The following NYAP2 variants were observed in gnomAD, a reference collection of about 807,000 sequenced individuals.
The protein encoded by NYAP2 is neuronal tyrosine-phosphorylated phosphoinositide-3-kinase adapter 2.
A neutral mutation model predicts 50.4 loss-of-function variants in NYAP2; 23 were observed. The ratio of observed to expected loss-of-function variants is 0.46; its 90% CI spans 0.33 to 0.65. The LOEUF (loss-of-function observed/expected upper bound fraction) is 0.65. NYAP2 is among the 30% of genes least tolerant of loss of function. The probability of loss-of-function intolerance (pLI) is 0.02; values close to 1 mark genes in which losing one functional copy is unlikely to be tolerated. For synonymous variants in NYAP2, 394 were observed against 365.2 expected (o/e 1.08, Z -0.90); for missense variants, 885 against 861.0 (o/e 1.03, Z -0.35).
chr2:225,498,865 A>G (rs971292017), intron 3 of NYAP2, among the ~76,000 whole-genome samples: 1 of 152,158 alleles, frequency 6.6e-6, no homozygotes, highest in Non-Finnish European at 1.5e-5. Context: ...GAAAAGGGAG[A>G]TGGCAATGAC....
the NYAP2 span, chr2:225,701,025 C>T: frequency 6.6e-6 from 1 of 151,752 alleles, no homozygotes; most frequent in Non-Finnish European, 1.5e-5. Context: ...TCATTTATTT[C>T]CGCAAATCTC....
At chr2:225,549,078 G>A (rs559433953) in intron 4 of NYAP2, among the ~76,000 whole-genome samples, 1 of 152,016 alleles carries the variant, frequency 6.6e-6, no homozygotes, top group South Asian at 2.1e-4. Flanking sequence ...ACAGGGTTTT[G>A]TCATTCTGGC....
intron 5 of NYAP2, among the ~76,000 whole-genome samples, chr2:225,611,294 T>C (rs1692881135): frequency 1.3e-5 from 2 of 152,092 alleles, no homozygotes; most frequent in South Asian, 4.1e-4. Flanking sequence ...CTTAATCATG[T>C]GTGTGTGTGT....
rs550702917 is a variant in NYAP2 at position 225,440,649 on chromosome 2, G to A, written c.221+31548G>A. On this transcript the variant is annotated intron_variant, in intron 3 of 6. Coordinates refer to ENST00000636099, the Ensembl canonical transcript of NYAP2. The stretch of plus-strand genomic sequence containing the variant: ...CAAGGAGAGAGTGAAAGAGATTGAG[G>A]TGCATTGATATAAAGCACAGACTTG... Among the ~76,000 whole-genome samples the A allele has an allele frequency of 3.3e-5, 5 of 152,214 alleles. No homozygotes were observed. In the East Asian group the frequency reaches 7.7e-4, roughly 24 times the overall value.
intron 4 of NYAP2, among the ~76,000 whole-genome samples, chr2:225,539,093 G>A (rs1691410442): frequency 6.6e-6 from 1 of 151,992 alleles, no homozygotes; most frequent in Non-Finnish European, 1.5e-5. Context: ...AGAACATGTG[G>A]TGTTTAGTTT....
intron 3 of NYAP2, among the ~76,000 whole-genome samples, chr2:225,510,549 C>T (rs1400043887): frequency 6.6e-6 from 1 of 152,176 alleles, no homozygotes; most frequent in African/African-American, 2.4e-5. Flanking sequence ...ATTTCACAAT[C>T]TTCAATTTGT....
chr2:225,671,029 G>A, the NYAP2 span, among the ~76,000 whole-genome samples: 5 of 152,090 alleles, frequency 3.3e-5, no homozygotes, highest in Admixed American at 6.6e-5. Context: ...CCTCAGTGTT[G>A]ATGGCTGCTG....
chr2:225,527,218 T>A (rs1253127504), intron 4 of NYAP2, among the ~76,000 whole-genome samples: 1 of 152,236 alleles, frequency 6.6e-6, no homozygotes, highest in Non-Finnish European at 1.5e-5. Flanking sequence ...TTGGCACAGA[T>A]GGAGCCTTCC....
chr2:225,567,429 AATT>A (rs1298567403), intron 4 of NYAP2, among the ~76,000 whole-genome samples: 1 of 152,168 alleles, frequency 6.6e-6, no homozygotes, highest in East Asian at 1.9e-4. Flanking sequence ...TATTTATAGT[AATT>A]ATTGATTGAT....
chr2:225,547,707 A>T (rs1691608328), intron 4 of NYAP2, among the ~76,000 whole-genome samples: 1 of 152,184 alleles, frequency 6.6e-6, no homozygotes, highest in East Asian at 1.9e-4. Context: ...TGGCATCAGC[A>T]ATTCAACACT....
chr2:225,449,865 C>T (rs533680401), intron 3 of NYAP2, among the ~76,000 whole-genome samples: 2 of 152,142 alleles, frequency 1.3e-5, no homozygotes, highest in South Asian at 2.1e-4. Context: ...GATCCACTCA[C>T]CTCGGTCTCC....
chr2:225,660,899 C>G, the NYAP2 span, among the ~76,000 whole-genome samples: 11 of 152,262 alleles, frequency 7.2e-5, no homozygotes, highest in South Asian at 6.2e-4. Flanking sequence ...AAATGAATCA[C>G]AGCTACTGAT....
intron 5 of NYAP2, among the ~76,000 whole-genome samples, chr2:225,618,498 C>A (rs1234683581): frequency 6.6e-6 from 1 of 152,310 alleles, no homozygotes; most frequent in African/African-American, 2.4e-5. Flanking sequence ...CTGGTATTAA[C>A]TCTTTACTCA....
At chr2:225,651,628 T>G in exon 7 of NYAP2, 1 of 1,588,286 alleles carries the variant, frequency 6.3e-7, no homozygotes, top group Non-Finnish European at 8.6e-7. Context: ...TGTAGACAAC[T>G]TTCGCATTTG....
At chr2:225,651,639 CT>C in exon 7 of NYAP2, 1 of 1,561,820 alleles carries the variant, frequency 6.4e-7, no homozygotes, top group Non-Finnish European at 8.7e-7. Flanking sequence ...TTCGCATTTG[CT>C]TTTATTTTTC....
At chr2:225,616,694 G>A (rs1692997620) in intron 5 of NYAP2, among the ~76,000 whole-genome samples, 1 of 152,210 alleles carries the variant, frequency 6.6e-6, no homozygotes, top group South Asian at 2.1e-4. Flanking sequence ...CATGAGGTAG[G>A]AACTGGTCTT....
chr2:225,674,762 T>C, the NYAP2 span, among the ~76,000 whole-genome samples: 2 of 152,106 alleles, frequency 1.3e-5, no homozygotes, highest in Admixed American at 1.3e-4. Flanking sequence ...CTGGAGGCAG[T>C]ATGTTGAGGG....
chr2:225,473,753 G>A (rs1209384901), intron 3 of NYAP2, among the ~76,000 whole-genome samples: 1 of 152,178 alleles, frequency 6.6e-6, no homozygotes, highest in Admixed American at 6.5e-5. Context: ...CTCCCATTCT[G>A]TAGGTTGCTT....
rs575412383 is a variant in NYAP2 at position 225,513,372 on chromosome 2, A to G, written c.223A>G (p.Ile75Val). The change falls in exon 4 of 7, where the codon ATA (isoleucine) becomes GTA (valine). Residue 75 changes from isoleucine to valine, a missense_variant and splice_region_variant. Coordinates refer to ENST00000636099, the Ensembl canonical transcript of NYAP2. ...TTTTTGGTCTGCTTTCTTTTACAGC[A>G]TAGGTGGAGAAGTAGGGCGAGGCCA... 5.1e-5 allele frequency: 83 copies of G among 1,613,930 alleles called. No individual in the cohort carries two copies. The South Asian group carries it at 8.5e-4, about 16-fold the overall frequency.
Sources: allele counts gnomAD v4.1 joint callset (sites outside exome capture counted in the v4.1 genomes callset), GRCh38; gene constraint gnomAD v4.1.1; transcripts MANE v1.5; gene names NCBI Gene and HGNC (gene_info 2026-07-23, HGNC 2026-07-21).